SPEN: variants seen among roughly 807,000 people sequenced by gnomAD.
The protein encoded by SPEN is msx2-interacting protein.
A neutral mutation model predicts 269.9 loss-of-function variants in SPEN; 18 were observed. That is an observed-to-expected ratio of 0.07 (90% CI 0.05 to 0.10). The LOEUF is 0.10. Ranked by LOEUF, SPEN falls within the 10% of genes least tolerant of loss-of-function variation. SPEN has a pLI of 1.00. For missense variants in SPEN, 3,822 were observed against 4,631.2 expected, an observed-to-expected ratio of 0.83 and a Z score of 5.07; for synonymous variants, 1,726 against 1,765.7, an observed-to-expected ratio of 0.98 and a Z score of 0.56.
intron 1 of SPEN, among the ~76,000 whole-genome samples, chr1:15,860,442 A>AGAGTGT (rs377391737): frequency 7.5e-5 from 9 of 120,032 alleles, no homozygotes; most frequent in African/African-American, 2.9e-4. Context: ...GTCCCACTGT[A>AGAGTGT]GTGTGTGTGT....
At chr1:15,894,038 A>G (rs979846519) in intron 3 of SPEN, among the ~76,000 whole-genome samples, 5 of 152,172 alleles carry the variant, frequency 3.3e-5, no homozygotes, top group South Asian at 2.1e-4. Context: ...AAAAACCTCA[A>G]ACTTCAAATT....
rs758941692 is a variant in SPEN at position 15,931,202 on chromosome 1, A to G, written c.4962A>G (p.Leu1654=). The G allele has an allele frequency of 6.2e-7, 1 of 1,614,218 alleles. No individual in the cohort carries two copies. The highest frequency in any genetic ancestry group is 1.7e-5 in the Admixed American group (1 of 60,034). The change falls in exon 11 of 15, where the codon CTA becomes CTG. Residue 1654 remains leucine, a synonymous_variant. Transcript: ENST00000375759. This position sits in a 1 kb window ranked among gnomAD's most constrained non-coding sequence, Gnocchi z 4.8. ...CTCTAGAATCAGCCCCATCAGCACTAGAGAAGACCACTGGTGACAAAACGG... is the reference window on the plus strand; with the variant it reads ...CTCTAGAATCAGCCCCATCAGCACTGGAGAAGACCACTGGTGACAAAACGG... The part of the protein sequence containing the change: ...VVTLESAPSA[L]EKTTGDKTVE...
In SPEN at chr1:15,899,069, G is replaced by T. The variant is rs149749523; in HGVS notation, c.882-10252G>T. The stretch of plus-strand genomic sequence containing the variant: ...TAACCATAGTGGAATCGCTGGTTCA[G>T]TGGTAAGTTAGCGTTTGGGGAACCC... On this transcript the variant is annotated intron_variant, in intron 3 of 14. Transcript: ENST00000375759. Among the ~76,000 whole-genome samples, 494 of 152,212 alleles carry T rather than the reference G, an allele frequency of 3.2e-3. 1 individual carries two copies. The highest frequency in any genetic ancestry group is 0.011 in the African/African-American group (449 of 41,516).
chr1:15,855,968 T>C (rs888607086), intron 1 of SPEN, among the ~76,000 whole-genome samples: 10 of 151,296 alleles, frequency 6.6e-5, no homozygotes, highest in Non-Finnish European at 1.5e-5. Context: ...TATTACTTTA[T>C]TGTGTGAAAA....
Position 15,928,397 on chromosome 1 carries a change from GAGGCCGATTGAACGA to G in SPEN, c.2160_2174del (p.Arg720_Arg724del). 1 of 1,614,138 alleles carries G rather than the reference GAGGCCGATTGAACGA, an allele frequency of 6.2e-7. No individual in the cohort carries two copies. Among genetic ancestry groups the G allele is most frequent in the East Asian group, 2.2e-5 (1 of 44,856 alleles). ...CTGACCGGGACAGAGACCATGAGAGGAGGCCGATTGAACGAAGTCAAAGTCCTGTTCACTTGCGAC... is the reference window on the plus strand; with the variant it reads ...CTGACCGGGACAGAGACCATGAGAGGAGTCAAAGTCCTGTTCACTTGCGAC... On this transcript the variant is annotated inframe_deletion, in exon 11 of 15. Transcript: ENST00000375759. The surrounding 1 kb of genome is among the most constrained non-coding windows in gnomAD (Gnocchi z 5.7).
intron 3 of SPEN, among the ~76,000 whole-genome samples, chr1:15,897,465 C>G (rs994715761): frequency 6.6e-6 from 1 of 151,820 alleles, no homozygotes; most frequent in Non-Finnish European, 1.5e-5. Flanking sequence ...TGGGTTCAAG[C>G]GATTCTCCTG....
chr1:15,929,288 A>G lies in SPEN; in HGVS notation c.3048A>G (p.Ser1016=). The change falls in exon 11 of 15, where the codon TCA becomes TCG. Residue 1016 remains serine, a synonymous_variant. Transcript: ENST00000375759. This position sits in a 1 kb window ranked among gnomAD's most constrained non-coding sequence, Gnocchi z 5.8. ...SPEMEDARVL[S]KKQPDVSSRE... is the part of the protein sequence containing the mutation. Reference sequence around the variant, plus strand: ...AGATGGAGGATGCTCGCGTGCTTTCAAAAAAGCAGCCTGACGTGTCCTCTA... The same window carrying G: ...AGATGGAGGATGCTCGCGTGCTTTCGAAAAAGCAGCCTGACGTGTCCTCTA... 6.2e-7 allele frequency: 1 copy of G among 1,614,218 alleles called. No homozygotes were observed. Among genetic ancestry groups the G allele is most frequent in the Non-Finnish European group, 8.5e-7 (1 of 1,180,032 alleles).
At chr1:15,889,614 C>T (rs1276596362) in intron 3 of SPEN, among the ~76,000 whole-genome samples, 1 of 152,174 alleles carries the variant, frequency 6.6e-6, no homozygotes, top group Non-Finnish European at 1.5e-5. Flanking sequence ...ATGGAAAGAG[C>T]ACTCTCTGGT....
At position 15,861,381 on chromosome 1, in the gene SPEN, C is replaced by T. The variant is rs182733710; in HGVS notation, c.84-11435C>T. ...TCCTGACCTCATGATCCACCTACCTCGGCTTCCCAAAATGCTGGGATTACA... is the reference window on the plus strand; with the variant it reads ...TCCTGACCTCATGATCCACCTACCTTGGCTTCCCAAAATGCTGGGATTACA... On this transcript the variant is annotated intron_variant, in intron 1 of 14. Coordinates refer to ENST00000375759, the MANE Select transcript of SPEN (RefSeq NM_015001.3). Among the ~76,000 whole-genome samples, 188 of 152,126 alleles carry T rather than the reference C, an allele frequency of 1.2e-3. 2 individuals carry two copies. Among genetic ancestry groups the T allele is most frequent in the African/African-American group, 4.2e-3 (176 of 41,470 alleles).
chr1:15,867,695 T>C (rs1345479581), intron 1 of SPEN, among the ~76,000 whole-genome samples: 1 of 151,894 alleles, frequency 6.6e-6, no homozygotes, highest in Non-Finnish European at 1.5e-5. Flanking sequence ...TTCATCCTCA[T>C]TATTAGTTGT....
intron 13 of SPEN, 121 bp downstream of exon 13, chr1:15,938,127 T>C: frequency 2.2e-6 from 2 of 925,922 alleles, no homozygotes; most frequent in Non-Finnish European, 3.2e-6. Flanking sequence ...TTGTTGTTGT[T>C]GAAACAGTCT....
Position 15,865,420 on chromosome 1 carries a change from GTT to G in SPEN, c.84-7378_84-7377del, listed in dbSNP as rs35623952. Among the ~76,000 whole-genome samples, 742 of 116,044 alleles carry G rather than the reference GTT, an allele frequency of 6.4e-3. 10 individuals carry two copies. The highest frequency in any genetic ancestry group is 0.02 in the African/African-American group (595 of 29,922). 76.1% of individuals were successfully genotyped at this position (116,044 alleles called of 152,430 possible). ...AATCTTCCTATGCAGGTATATGCCT[GTT>G]TTTTTTTTTTTTTTTTTCTGAGACG... is the stretch of plus-strand genomic sequence containing the variant. On this transcript the variant is annotated intron_variant, in intron 1 of 14. Coordinates refer to ENST00000375759, the MANE Select transcript of SPEN (RefSeq NM_015001.3).
In SPEN at chr1:15,939,268, C is replaced by A; in HGVS notation, c.10864-28C>A. ...AGTTGTGGGGGTGAAGACAGACGGT[C>A]CCACTTTGCTCTCTATCCTGTCTCC... On this transcript the variant is annotated intron_variant, in intron 14 of 14. Transcript: ENST00000375759. This position sits in a 1 kb window ranked among gnomAD's most constrained non-coding sequence, Gnocchi z 4.1. The A allele has an allele frequency of 6.5e-7, 1 of 1,534,926 alleles. No homozygotes were observed. Among genetic ancestry groups the A allele is most frequent in the South Asian group, 1.2e-5 (1 of 80,090 alleles).
intron 1 of SPEN, among the ~76,000 whole-genome samples, chr1:15,854,179 T>C (rs2070363495): frequency 6.6e-6 from 1 of 152,132 alleles, no homozygotes; most frequent in Non-Finnish European, 1.5e-5. Context: ...GAGTAAATAA[T>C]GTAGTCTGAA....
chr1:15,881,527 A>G (rs1164729560), intron 3 of SPEN, among the ~76,000 whole-genome samples: 1 of 152,258 alleles, frequency 6.6e-6, no homozygotes, highest in African/African-American at 2.4e-5. Flanking sequence ...CTGAATGCAT[A>G]TCACAGAACC....
At chr1:15,875,620 G>A (rs2148711734) in intron 2 of SPEN, among the ~76,000 whole-genome samples, 1 of 152,028 alleles carries the variant, frequency 6.6e-6, no homozygotes, top group East Asian at 1.9e-4. Context: ...ATGTAGTCTA[G>A]TTTATGTAGT....
chr1:15,858,869 A>G (rs1258235510), intron 1 of SPEN, among the ~76,000 whole-genome samples: 3 of 152,170 alleles, frequency 2.0e-5, no homozygotes, highest in African/African-American at 4.8e-5. Context: ...ACTTGGGCCC[A>G]TGAGGCAGAG....
At chr1:15,898,165 ATTTATC>A (rs902340438) in intron 3 of SPEN, among the ~76,000 whole-genome samples, 2 of 136,298 alleles carry the variant, frequency 1.5e-5, no homozygotes, top group African/African-American at 5.9e-5. Flanking sequence ...TTACTTCTTA[ATTTATC>A]TTTGTGTGTG....
At chr1:15,921,542 C>T (rs973338172) in intron 9 of SPEN, among the ~76,000 whole-genome samples, 10 of 152,160 alleles carry the variant, frequency 6.6e-5, no homozygotes, top group East Asian at 3.8e-4. Context: ...TCTCAGTGTT[C>T]GGGTGCTGAT....
Sources: allele counts gnomAD v4.1 joint callset (sites outside exome capture counted in the v4.1 genomes callset), GRCh38; gene constraint gnomAD v4.1.1; non-coding constraint Gnocchi (gnomAD v3.1); transcripts MANE v1.5; gene names NCBI Gene and HGNC (gene_info 2026-07-23, HGNC 2026-07-21).